UBTD2: variants seen among roughly 807,000 people sequenced by gnomAD.
The protein encoded by UBTD2 is ubiquitin domain-containing protein 2.
Under a neutral mutation model 19.8 loss-of-function variants are expected in UBTD2, and 9 were observed. The ratio of observed to expected loss-of-function variants is 0.46; its 90% confidence interval spans 0.27 to 0.79. The LOEUF (loss-of-function observed/expected upper bound fraction) is 0.79. Ranked by LOEUF, UBTD2 falls within the 30% of genes least tolerant of loss-of-function variation. The pLI, the probability that UBTD2 is intolerant of heterozygous loss-of-function variation, is 0.14. For missense variants in UBTD2, 250 were observed against 300.4 expected (o/e 0.83, Z 1.24); for synonymous variants, 98 against 103.9 (o/e 0.94, Z 0.35).
intron 1 of UBTD2, among the ~76,000 whole-genome samples, chr5:172,267,632 T>C (rs552413654): frequency 1.2e-4 from 18 of 152,342 alleles, no homozygotes; most frequent in Non-Finnish European, 2.6e-4. Context: ...GCTGATGATG[T>C]TGGTGATTCA....
chr5:172,222,801 ATC>A (rs1258749162), intron 2 of UBTD2, among the ~76,000 whole-genome samples: 3 of 152,254 alleles, frequency 2.0e-5, no homozygotes, highest in Non-Finnish European at 4.4e-5. Flanking sequence ...TAATAGTGAA[ATC>A]TGATAGTAAG....
rs1771447676 is a variant in UBTD2 at position 172,211,578 on chromosome 5, T to C, written c.*252A>G. 2.5e-6 allele frequency: 1 copy of C among 392,718 alleles called. No individual in the cohort carries two copies. The highest frequency in any genetic ancestry group is 4.5e-6 in the Non-Finnish European group (1 of 221,062). 24.3% of individuals were successfully genotyped at this position (392,718 alleles called of 1,614,324 possible). On this transcript the variant is annotated 3_prime_UTR_variant, in exon 3 of 3. Transcript: ENST00000393792. ...TTGTTGAGTGTTCTAAAATAAATGG[T>C]TATCTATTTCTTAACTGCCTTTCAA...
intron 2 of UBTD2, among the ~76,000 whole-genome samples, chr5:172,229,419 T>C (rs2113887955): frequency 7.1e-6 from 1 of 140,094 alleles, no homozygotes; most frequent in Non-Finnish European, 1.5e-5. Context: ...GAGAATGGCG[T>C]GAACCCGGGA....
chr5:172,280,381 G>A (rs955067827), intron 1 of UBTD2, among the ~76,000 whole-genome samples: 2 of 151,748 alleles, frequency 1.3e-5, no homozygotes, highest in African/African-American at 4.8e-5. Flanking sequence ...ATGGTGGTGG[G>A]CACCCGTAAT....
At chr5:172,240,924 A>G (rs1016994949) in intron 1 of UBTD2, among the ~76,000 whole-genome samples, 2 of 152,184 alleles carry the variant, frequency 1.3e-5, no homozygotes, top group African/African-American at 4.8e-5. Context: ...TGTCTCTATC[A>G]TAAATACATA....
chr5:172,245,477 C>A (rs943209029), intron 1 of UBTD2, among the ~76,000 whole-genome samples: 4 of 152,138 alleles, frequency 2.6e-5, no homozygotes, highest in Non-Finnish European at 4.4e-5. Context: ...GTTTGGGATG[C>A]CAAGACAGGC....
chr5:172,271,899 T>G (rs1755499251), intron 1 of UBTD2, among the ~76,000 whole-genome samples: 1 of 152,070 alleles, frequency 6.6e-6, no homozygotes, highest in Non-Finnish European at 1.5e-5. Context: ...CAAAAAAAAC[T>G]TAAAGGTTTT....
intron 1 of UBTD2, among the ~76,000 whole-genome samples, chr5:172,249,667 G>C (rs899409356): frequency 2.0e-5 from 3 of 152,114 alleles, no homozygotes; most frequent in Admixed American, 6.5e-5. Context: ...GGTCAAAATA[G>C]CATATGCAAA....
intron 1 of UBTD2, among the ~76,000 whole-genome samples, chr5:172,273,045 C>G (rs917473333): frequency 6.7e-5 from 10 of 149,674 alleles, no homozygotes; most frequent in Non-Finnish European, 1.5e-4. Context: ...CCACTGCACT[C>G]CAGCCTGGGC....
At chr5:172,246,987 C>T (rs1754896968) in intron 1 of UBTD2, among the ~76,000 whole-genome samples, 1 of 151,702 alleles carries the variant, frequency 6.6e-6, no homozygotes, top group Non-Finnish European at 1.5e-5. Flanking sequence ...AACTCCTGAC[C>T]CCATGATCCG....
intron 1 of UBTD2, among the ~76,000 whole-genome samples, chr5:172,276,685 TG>T (rs1755609977): frequency 6.6e-6 from 1 of 151,496 alleles, no homozygotes; most frequent in African/African-American, 2.4e-5. Flanking sequence ...GGTTCATTAT[TG>T]GGGTGCAGAG....
Position 172,234,311 on chromosome 5 carries a change from T to G in UBTD2, c.118A>C (p.Lys40Gln), listed in dbSNP as rs1432430090. 4 of 1,614,096 alleles carry G rather than the reference T, an allele frequency of 2.5e-6. No homozygotes were observed. The highest frequency in any genetic ancestry group is 2.7e-5 in the African/African-American group (2 of 74,940). Residue 40 changes from lysine (K) to glutamine (Q), a missense_variant, in exon 2 of 3, where the codon AAA becomes CAA. Transcript: ENST00000393792. ...CCATCTGTCATAGGATAATCGCTTTTCCATTTTGGTTTCTCCTTTTTCAAA... is the reference window on the plus strand; with the variant it reads ...CCATCTGTCATAGGATAATCGCTTTGCCATTTTGGTTTCTCCTTTTTCAAA... ...QPLKKEKPKWKSDYPMTDGQL... is the reference protein window; with the variant it reads ...QPLKKEKPKWQSDYPMTDGQL...
chr5:172,274,394 C>T (rs944309110), intron 1 of UBTD2, among the ~76,000 whole-genome samples: 6 of 152,042 alleles, frequency 3.9e-5, no homozygotes, highest in Non-Finnish European at 5.9e-5. Flanking sequence ...CCGCCTCAGC[C>T]TCCCAAAGTG....
intron 1 of UBTD2, chr5:172,242,245 G>T: frequency 9.6e-6 from 3 of 312,936 alleles, no homozygotes; most frequent in African/African-American, 2.2e-5. Context: ...CCCAGTCTCA[G>T]GTATTCCTTT....
chr5:172,218,582 C>T (rs1270244445), intron 2 of UBTD2, among the ~76,000 whole-genome samples: 1 of 151,584 alleles, frequency 6.6e-6, no homozygotes, highest in East Asian at 1.9e-4. Flanking sequence ...CAGGAGTTTG[C>T]GACCAGCCTG....
At chr5:172,270,149 G>C (rs1755455203) in intron 1 of UBTD2, among the ~76,000 whole-genome samples, 1 of 151,166 alleles carries the variant, frequency 6.6e-6, no homozygotes, top group South Asian at 2.1e-4. Flanking sequence ...GCACAATCAC[G>C]GCTCACTGCA....
rs1755765969 is a variant in UBTD2 at position 172,283,468 on chromosome 5, G to A, written c.70+128C>T. On this transcript the variant is annotated intron_variant, in intron 1 of 2. Coordinates refer to ENST00000393792, the MANE Select transcript of UBTD2 (RefSeq NM_152277.3). This position sits in a 1 kb window ranked among gnomAD's most constrained non-coding sequence, Gnocchi z 4.3. ...CAGGACAGCCGGAAGCGGAGCGCGG[G>A]GAATGACGTGGAAGAGGGGATGACA... The A allele has an allele frequency of 5.9e-6, 4 of 680,722 alleles. No homozygotes were observed. Among genetic ancestry groups the A allele is most frequent in the Non-Finnish European group, 8.1e-6 (4 of 493,348 alleles). 42.2% of individuals were successfully genotyped at this position (680,722 alleles called of 1,614,324 possible).
intron 1 of UBTD2, among the ~76,000 whole-genome samples, chr5:172,246,475 C>T (rs75878468): frequency 0.068 from 7,926 of 116,894 alleles, 727 homozygotes; most frequent in African/African-American, 0.23. Flanking sequence ...AGATGGAGTT[C>T]ACTCCGTCGC....
At chr5:172,249,865 T>C (rs545803731) in intron 1 of UBTD2, among the ~76,000 whole-genome samples, 1 of 152,306 alleles carries the variant, frequency 6.6e-6, no homozygotes, top group East Asian at 1.9e-4. Flanking sequence ...AAAATGCTTT[T>C]TCATAAAACT....
Sources: allele counts gnomAD v4.1 joint callset (sites outside exome capture counted in the v4.1 genomes callset), GRCh38; gene constraint gnomAD v4.1.1; non-coding constraint Gnocchi (gnomAD v3.1); transcripts MANE v1.5; gene names NCBI Gene and HGNC (gene_info 2026-07-23, HGNC 2026-07-21).